Variants in RELN observed in about 807,000 individuals in gnomAD.
RELN encodes reelin.
Under a neutral mutation model 427.6 loss-of-function variants are expected in RELN, and 108 were observed. The observed-to-expected ratio is 0.25, with a 90% CI of 0.22 to 0.30. RELN has a LOEUF of 0.30. Among genes scored for constraint, RELN ranks in the 10% least tolerant of loss-of-function variants. The probability of loss-of-function intolerance (pLI) is 1.00; values close to 1 mark genes in which losing one functional copy is unlikely to be tolerated. For synonymous variants in RELN, 1,524 were observed against 1,513.4 expected (o/e 1.01, Z -0.16); for missense variants, 3,715 against 4,302.8 (o/e 0.86, Z 3.82).
chr7:103,957,270 C>T (rs1048000049), intron 1 of RELN, among the ~76,000 whole-genome samples: 8 of 152,044 alleles, frequency 5.3e-5, no homozygotes, highest in Non-Finnish European at 8.8e-5. Context: ...TGAAGGAAAA[C>T]GAATTATTCT....
At chr7:103,714,265 T>C (rs1789880872) in intron 8 of RELN, among the ~76,000 whole-genome samples, 1 of 152,258 alleles carries the variant, frequency 6.6e-6, no homozygotes, top group South Asian at 2.1e-4. Flanking sequence ...GGTTATTTTC[T>C]AGTAGCTAGC....
chr7:103,780,763 T>C (rs1046749953), intron 3 of RELN, among the ~76,000 whole-genome samples: 7 of 152,212 alleles, frequency 4.6e-5, no homozygotes, highest in Admixed American at 4.6e-4. Context: ...TAGTATTCCA[T>C]GGTATATATG....
At chr7:103,625,505 A>G (rs1449014490) in intron 20 of RELN, among the ~76,000 whole-genome samples, 1 of 152,184 alleles carries the variant, frequency 6.6e-6, no homozygotes, top group Non-Finnish European at 1.5e-5. Flanking sequence ...CATTATGTGG[A>G]CCTTATATAT....
At chr7:103,504,234 C>A (rs1275490201) in intron 51 of RELN, among the ~76,000 whole-genome samples, 1 of 151,994 alleles carries the variant, frequency 6.6e-6, no homozygotes, top group African/African-American at 2.4e-5. Context: ...ACCTAAATTT[C>A]TAAGTTATAG....
chr7:103,561,460 T>C, intron 36 of RELN, 72 bp downstream of exon 36: 2 of 1,133,548 alleles, frequency 1.8e-6, no homozygotes, highest in Admixed American at 1.7e-5. Flanking sequence ...GAAATCCATT[T>C]GTGTTGAGCA....
intron 8 of RELN, among the ~76,000 whole-genome samples, chr7:103,714,156 T>C (rs983685748): frequency 1.3e-5 from 2 of 152,218 alleles, no homozygotes; most frequent in East Asian, 1.9e-4. Context: ...CAAAAACCTA[T>C]GCTATATAAC....
Position 103,553,458 on chromosome 7 carries a change from T to C in RELN, c.6072+3A>G, listed in dbSNP as rs762092040. ...GCATTTATTATAGAACAAAGTCAAG[T>C]ACCTCAAATTGTATGATGGTGTTCT... On this transcript the variant is annotated splice_donor_region_variant and intron_variant, in intron 40 of 64. Coordinates refer to ENST00000428762, the MANE Select transcript of RELN (RefSeq NM_005045.4). 1.8e-5 allele frequency: 29 copies of C among 1,603,458 alleles called. No individual in the cohort carries two copies. The Admixed American group carries it at 4.5e-4, about 25-fold the overall frequency.
chr7:103,786,371 G>C (rs183241130), intron 3 of RELN, among the ~76,000 whole-genome samples: 7 of 151,706 alleles, frequency 4.6e-5, no homozygotes, highest in Admixed American at 2.0e-4. Context: ...ATTATAAATA[G>C]TTGCCATGTC....
At chr7:103,536,878 G>C (rs2535761) in intron 45 of RELN, among the ~76,000 whole-genome samples, 1 of 152,146 alleles carries the variant, frequency 6.6e-6, no homozygotes, top group Non-Finnish European at 1.5e-5. Flanking sequence ...AGCCTGGCAC[G>C]TGCTGGATGC....
In RELN at chr7:103,558,249, T is replaced by C. The variant is rs537389805; in HGVS notation, c.5530-200A>G. On this transcript the variant is annotated intron_variant, in intron 36 of 64. Coordinates refer to ENST00000428762, the MANE Select transcript of RELN (RefSeq NM_005045.4). Reference sequence around the variant, plus strand: ...ATGGCTTTCATATCCTGTGCCTGAATAACACAGTTTCATTGTCTCAACTCT... The same window carrying C: ...ATGGCTTTCATATCCTGTGCCTGAACAACACAGTTTCATTGTCTCAACTCT... Among the ~76,000 whole-genome samples the C allele has an allele frequency of 4.6e-5, 7 of 152,328 alleles. No individual in the cohort carries two copies. The East Asian group carries it at 1.3e-3, about 29-fold the overall frequency.
chr7:103,716,698 T>A (rs1789947033), intron 8 of RELN, among the ~76,000 whole-genome samples: 2 of 152,220 alleles, frequency 1.3e-5, no homozygotes. Flanking sequence ...CTGTCTTATA[T>A]ACAGAAAGGG....
intron 45 of RELN, 151 bp downstream of exon 45, chr7:103,538,927 G>T: frequency 1.2e-6 from 1 of 815,328 alleles, no homozygotes; most frequent in Non-Finnish European, 2.0e-6. Context: ...AATACATGCA[G>T]TATTTTCAAG....
At chr7:103,629,295 A>C (rs921097180) in intron 20 of RELN, among the ~76,000 whole-genome samples, 17 of 152,212 alleles carry the variant, frequency 1.1e-4, no homozygotes, top group African/African-American at 4.1e-4. Flanking sequence ...TGTTTGTTGT[A>C]TAATTAAATT....
At chr7:103,558,536 CACA>C (rs1487736996) in intron 36 of RELN, among the ~76,000 whole-genome samples, 1 of 152,266 alleles carries the variant, frequency 6.6e-6, no homozygotes, top group African/African-American at 2.4e-5. Flanking sequence ...TTCAGGCTGA[CACA>C]ACAACATCCC....
chr7:103,775,742 G>A lies in RELN; in HGVS notation c.544+815C>T, dbSNP rs934408980. On this transcript the variant is annotated intron_variant, in intron 4 of 64. Coordinates refer to ENST00000428762, the MANE Select transcript of RELN (RefSeq NM_005045.4). ...GCTGAAATCAAGGAATATATGTACAGCTAAGACAAACTTGTATTCAATCTA... is the reference window on the plus strand; with the variant it reads ...GCTGAAATCAAGGAATATATGTACAACTAAGACAAACTTGTATTCAATCTA... 2.0e-5 allele frequency among the ~76,000 whole-genome samples: 3 copies of A among 152,178 alleles called. No individual in the cohort carries two copies. In the South Asian group the frequency reaches 6.2e-4, roughly 31 times the overall value.
chr7:103,475,386 G>A (rs1401142448), intron 64 of RELN, among the ~76,000 whole-genome samples: 1 of 152,076 alleles, frequency 6.6e-6, no homozygotes, highest in Non-Finnish European at 1.5e-5. Flanking sequence ...CCGTGCATGG[G>A]TGGTCAAGGC....
intron 31 of RELN, among the ~76,000 whole-genome samples, chr7:103,570,777 G>A (rs1830864833): frequency 6.6e-6 from 1 of 152,190 alleles, no homozygotes; most frequent in Non-Finnish European, 1.5e-5. Context: ...GATGACCCAT[G>A]AAGAAAATGT....
chr7:103,596,720 G>A, intron 24 of RELN, 59 bp from the exon 25 acceptor site: 1 of 1,458,274 alleles, frequency 6.9e-7, no homozygotes. Flanking sequence ...GCATTTTGTT[G>A]TTTCAGTTCC....
rs7811571 is a variant in RELN at position 103,472,661 on chromosome 7, A to G, written c.*151T>C. The G allele has an allele frequency of 0.014, 9,062 of 665,552 alleles. 610 individuals carry two copies. In the African/African-American group the frequency reaches 0.15, roughly 11 times the overall value. The allele number at this position is 665,552 out of a possible 1,614,324, so 41.2% of individuals were successfully genotyped here. ...ACTTGTCATTAGTTCACAGTGTGGG[A>G]AAGTGGTGTACACTCGGTCTTGAGA... On this transcript the variant is annotated 3_prime_UTR_variant, in exon 65 of 65. Transcript: ENST00000428762.
Sources: gnomAD v4.1 joint callset for allele counts (sites outside exome capture counted in the v4.1 genomes callset) on GRCh38, gnomAD v4.1.1 for gene constraint, MANE v1.5 for transcripts, NCBI Gene and HGNC (gene_info 2026-07-23, HGNC 2026-07-21) for gene names.